Variants in OTOGL observed in about 807,000 individuals in gnomAD.
OTOGL encodes the protein otogelin-like protein.
A neutral mutation model predicts 318.5 loss-of-function variants in OTOGL; 285 were observed. That is an observed-to-expected ratio of 0.89 (90% CI 0.81 to 0.99). OTOGL has a LOEUF of 0.99. OTOGL is among the 50% of genes least tolerant of loss of function. The pLI is 0.00. For missense variants in OTOGL, 2,899 were observed against 2,845.6 expected (o/e 1.02, Z -0.43); for synonymous variants, 987 against 936.5 (o/e 1.05, Z -0.99).
chr12:80,313,626 G>C lies in OTOGL; in HGVS notation c.3601G>C (p.Val1201Leu). The change falls in exon 31 of 59, where the codon GTT becomes CTT. Residue 1201 changes from valine (V) to leucine (L), a missense_variant. By Grantham distance (32) the Val-to-Leu change is conservative (BLOSUM62 1). Around this residue, in one of 3 missense-constraint regions of OTOGL, gnomAD observed 2,607 missense variants for 2,524.9 expected, o/e 1.03. Transcript: ENST00000547103. Reference sequence around the variant, plus strand: ...ATCAATTCATTGGAGATCATCTACTGTTTGTTGTAAGTACCCTACTTAGAA... The same window carrying C: ...ATCAATTCATTGGAGATCATCTACTCTTTGTTGTAAGTACCCTACTTAGAA... ...GISIHWRSST[V>L]CSLDCEYYNE... The C allele has an allele frequency of 6.2e-7, 1 of 1,609,912 alleles. No homozygotes were observed. The highest frequency in any genetic ancestry group is 8.5e-7 in the Non-Finnish European group (1 of 1,177,322).
chr12:80,108,784 T>C (rs1463694297), intron 1 of OTOGL, among the ~76,000 whole-genome samples: 2 of 126,650 alleles, frequency 1.6e-5, no homozygotes, highest in African/African-American at 2.7e-5. Flanking sequence ...TATATATATA[T>C]ATGTATATAT....
At chr12:80,230,954 C>A (rs1431675216) in intron 8 of OTOGL, among the ~76,000 whole-genome samples, 1 of 152,138 alleles carries the variant, frequency 6.6e-6, no homozygotes, top group African/African-American at 2.4e-5. Flanking sequence ...ACTATTATTT[C>A]CCATCTCCAC....
Position 80,229,394 on chromosome 12 carries a change from C to G in OTOGL, c.611+16C>G. 1.9e-6 allele frequency: 3 copies of G among 1,588,810 alleles called. No individual in the cohort carries two copies. The highest frequency in any genetic ancestry group is 1.3e-5 in the African/African-American group (1 of 74,774). ...ATGGAATCAGGTAGGATATGGGAAACAGTGAAATGTCAGTAACACCACAAA... is the reference window on the plus strand; with the variant it reads ...ATGGAATCAGGTAGGATATGGGAAAGAGTGAAATGTCAGTAACACCACAAA... On this transcript the variant is annotated intron_variant, in intron 8 of 58. Coordinates refer to ENST00000547103, the MANE Select transcript of OTOGL (RefSeq NM_001378609.3).
Position 80,208,200 on chromosome 12 carries a change from G to A in OTOGL, c.-19-1213G>A, listed in dbSNP as rs569225163. The A allele has an allele frequency of 3.2e-4, 166 of 517,410 alleles. 1 individual carries two copies. Among genetic ancestry groups the A allele is most frequent in the South Asian group, 2.3e-3 (165 of 70,732 alleles). 32.1% of individuals were successfully genotyped at this position (517,410 alleles called of 1,614,324 possible). On this transcript the variant is annotated intron_variant, in intron 1 of 58. Transcript: ENST00000547103. ...GCTCATGGAATTAGCTATTATTTCG[G>A]CAATGGAAAGGAATTATGGTTATCT...
chr12:80,325,766 A>G (rs1314978074), intron 35 of OTOGL, among the ~76,000 whole-genome samples: 1 of 152,196 alleles, frequency 6.6e-6, no homozygotes, highest in African/African-American at 2.4e-5. Context: ...AAGCAATGCG[A>G]AGGGCATGTG....
At chr12:80,250,965 T>C (rs1881490271) in intron 11 of OTOGL, among the ~76,000 whole-genome samples, 1 of 152,208 alleles carries the variant, frequency 6.6e-6, no homozygotes, top group South Asian at 2.1e-4. Flanking sequence ...TAATTAAAGA[T>C]TATTTAGTCT....
Position 80,255,113 on chromosome 12 carries a change from C to T in OTOGL, c.1515C>T (p.Cys505=), listed in dbSNP as rs1380443274. 1 of 1,526,848 alleles carries T rather than the reference C, an allele frequency of 6.5e-7. No individual in the cohort carries two copies. Among genetic ancestry groups the T allele is most frequent in the African/African-American group, 1.4e-5 (1 of 71,730 alleles). 94.6% of individuals were successfully genotyped at this position (1,526,848 alleles called of 1,614,324 possible). The change falls in exon 16 of 59, where the codon TGC becomes TGT. Residue 505 remains cysteine (C), a synonymous_variant. Coordinates refer to ENST00000547103, the MANE Select transcript of OTOGL (RefSeq NM_001378609.3). ...DGRHYSFIGM[C]QYILVKGTGK... is the part of the protein sequence containing the mutation. ...GACATTATTCTTTTATTGGCATGTG[C>T]CAATACATCCTCGTGAAAGGAACTG...
chr12:80,161,718 G>T (rs1294246338), intron 1 of OTOGL, among the ~76,000 whole-genome samples: 1 of 152,066 alleles, frequency 6.6e-6, no homozygotes, highest in Non-Finnish European at 1.5e-5. Flanking sequence ...CAAGGTTTGG[G>T]ATAAGAGGAC....
In OTOGL at chr12:80,318,616, C is replaced by G; in HGVS notation, c.3705C>G (p.Thr1235=). The G allele has an allele frequency of 6.8e-7, 1 of 1,462,686 alleles. No individual in the cohort carries two copies. Among genetic ancestry groups the G allele is most frequent in the Non-Finnish European group, 9.0e-7 (1 of 1,107,868 alleles). 90.6% of individuals were successfully genotyped at this position (1,462,686 alleles called of 1,614,324 possible). A position where few individuals can be genotyped will look rare whatever the true frequency, so the allele number is the denominator to read the frequency against. ...QSGLVLGANM[T]SRSVFCLPRS... ...GCCTTGTTCTGGGGGCCAATATGAC[C>G]AGCAGAAGCGTTTTCTGTTTGCCGA... The change falls in exon 33 of 59, where the codon ACC becomes ACG. Residue 1235 remains threonine (T), a synonymous_variant. Transcript: ENST00000547103.
At chr12:80,306,780 T>C (rs1886135901) in intron 29 of OTOGL, among the ~76,000 whole-genome samples, 1 of 141,600 alleles carries the variant, frequency 7.1e-6, no homozygotes, top group African/African-American at 2.5e-5. Flanking sequence ...TTCTTTTTTT[T>C]TTTTAAATTT....
chr12:80,283,417 T>C (rs1351954067), intron 26 of OTOGL, among the ~76,000 whole-genome samples: 4 of 151,998 alleles, frequency 2.6e-5, no homozygotes, highest in Non-Finnish European at 4.4e-5. Flanking sequence ...CTCAAAGTCA[T>C]GTGTTCAGCT....
intron 9 of OTOGL, among the ~76,000 whole-genome samples, chr12:80,236,310 A>G (rs1879840897): frequency 6.6e-6 from 1 of 152,206 alleles, no homozygotes; most frequent in African/African-American, 2.4e-5. Context: ...TTCTCTCTCA[A>G]AAATGTCCCA....
intron 26 of OTOGL, among the ~76,000 whole-genome samples, chr12:80,290,273 C>T (rs927311269): frequency 6.6e-6 from 1 of 151,844 alleles, no homozygotes; most frequent in East Asian, 1.9e-4. Flanking sequence ...GTTGGAAATG[C>T]AGAAATCACC....
chr12:80,183,887 C>T (rs1311344182), intron 1 of OTOGL, among the ~76,000 whole-genome samples: 1 of 152,100 alleles, frequency 6.6e-6, no homozygotes, highest in Non-Finnish European at 1.5e-5. Context: ...TCGTGATTCC[C>T]TAGGGACATT....
chr12:80,368,762 C>T (rs1316912129), intron 55 of OTOGL, among the ~76,000 whole-genome samples: 1 of 151,012 alleles, frequency 6.6e-6, no homozygotes, highest in Non-Finnish European at 1.5e-5. Flanking sequence ...TAGTCAGGTT[C>T]ATCAGAATTC....
chr12:80,106,782 C>A (rs1212959136), intron 1 of OTOGL, among the ~76,000 whole-genome samples: 1 of 151,988 alleles, frequency 6.6e-6, no homozygotes, highest in African/African-American at 2.4e-5. Context: ...CCATTAAATT[C>A]TTTTATTTGT....
rs774956079 is a variant in OTOGL at position 80,372,063 on chromosome 12, C to T, written c.6780C>T (p.Ile2260=). Residue 2260 remains isoleucine, a splice_region_variant and synonymous_variant, in exon 57 of 59, where the codon ATC becomes ATT. Coordinates refer to ENST00000547103, the MANE Select transcript of OTOGL (RefSeq NM_001378609.3). ...TTTATAATGAAGGCTGTTGCAAGATCTGTAAGTGAGAGCATATTCCATGCA... is the reference window on the plus strand; with the variant it reads ...TTTATAATGAAGGCTGTTGCAAGATTTGTAAGTGAGAGCATATTCCATGCA... The part of the protein sequence containing the change: ...VKLYNEGCCK[I]CKREERICQK... The T allele has an allele frequency of 6.5e-7, 1 of 1,547,330 alleles. No homozygotes were observed. Among genetic ancestry groups the T allele is most frequent in the Non-Finnish European group, 8.7e-7 (1 of 1,144,562 alleles).
chr12:80,323,960 C>A, intron 35 of OTOGL, 120 bp downstream of exon 35: 2 of 718,212 alleles, frequency 2.8e-6, no homozygotes, highest in Non-Finnish European at 4.6e-6. Context: ...TATATTCTTT[C>A]ATGATATTAA....
At chr12:80,150,829 G>A (rs1231521816) in intron 1 of OTOGL, among the ~76,000 whole-genome samples, 1 of 152,070 alleles carries the variant, frequency 6.6e-6, no homozygotes, top group Non-Finnish European at 1.5e-5. Context: ...AAAAAGAAAG[G>A]CATAGAAAAC....
Sources: allele counts gnomAD v4.1 joint callset (sites outside exome capture counted in the v4.1 genomes callset), GRCh38; gene constraint gnomAD v4.1.1; regional missense constraint gnomAD v4.1.1; transcripts MANE v1.5; gene names NCBI Gene and HGNC (gene_info 2026-07-23, HGNC 2026-07-21).